Variants in FHIP1A observed in about 807,000 individuals in gnomAD.
The protein encoded by FHIP1A is FHF complex subunit HOOK interacting protein 1A, also known as FHF complex subunit HOOK-interacting protein 1A.
FHIP1A carries 61 observed loss-of-function variants against 88.6 expected under a neutral mutation model. That is an observed-to-expected ratio of 0.69 (90% CI 0.56 to 0.85). The LOEUF is 0.85. Among genes scored for constraint, FHIP1A ranks in the 40% least tolerant of loss-of-function variants. The pLI is 0.00. For synonymous variants in FHIP1A, 478 were observed against 496.0 expected (o/e 0.96, Z 0.48); for missense variants, 1,154 against 1,273.5 (o/e 0.91, Z 1.43).
chr4:151,536,592 G>A (rs572586560), intron 3 of FHIP1A, among the ~76,000 whole-genome samples: 1 of 152,274 alleles, frequency 6.6e-6, no homozygotes, highest in African/African-American at 2.4e-5. Context: ...TTTTCGCTCA[G>A]CATAATTCCC....
intron 1 of FHIP1A, among the ~76,000 whole-genome samples, chr4:151,415,184 T>G (rs548300657): frequency 1.8e-4 from 26 of 141,496 alleles, no homozygotes; most frequent in African/African-American, 2.9e-4. Flanking sequence ...GTTTTTTTGG[T>G]TTTTTTTTTT....
Position 151,649,502 on chromosome 4 carries a change from C to G in FHIP1A, c.1461C>G (p.Ala487=), listed in dbSNP as rs768399304. The G allele has an allele frequency of 1.3e-6, 2 of 1,551,588 alleles. No individual in the cohort carries two copies. The highest frequency in any genetic ancestry group is 1.7e-6 in the Non-Finnish European group (2 of 1,146,920). The change falls in exon 11 of 14, where the codon GCC becomes GCG. Residue 487 remains alanine, a synonymous_variant. Transcript: ENST00000435205. ...RPFPEAFSES[A]CIVEYGKALD... is the part of the protein sequence containing the mutation. ...TCCCCGAAGCGTTCTCCGAGTCAGC[C>G]TGCATTGTGGAGTATGGGAAAGCCC... is the stretch of plus-strand genomic sequence containing the variant.
chr4:151,489,054 T>G (rs1730186013), intron 3 of FHIP1A, among the ~76,000 whole-genome samples: 1 of 152,114 alleles, frequency 6.6e-6, no homozygotes, highest in East Asian at 1.9e-4. Context: ...CTGAAAGAAT[T>G]CACAGACCCT....
intron 3 of FHIP1A, among the ~76,000 whole-genome samples, chr4:151,501,158 TA>T (rs1196767525): frequency 6.6e-6 from 1 of 152,204 alleles, no homozygotes; most frequent in Non-Finnish European, 1.5e-5. Context: ...AAACTTGCCA[TA>T]TATGGAGGGG....
At chr4:151,471,285 C>CT (rs35143840) in intron 2 of FHIP1A, among the ~76,000 whole-genome samples, 5,546 of 136,234 alleles carry the variant, frequency 0.041, 351 homozygotes, top group African/African-American at 0.14. Context: ...GGAATTGTTC[C>CT]TTTTTTTTTT....
chr4:151,519,615 C>T (rs1469588757), intron 3 of FHIP1A, among the ~76,000 whole-genome samples: 1 of 151,848 alleles, frequency 6.6e-6, no homozygotes, highest in Non-Finnish European at 1.5e-5. Flanking sequence ...ATATACACAT[C>T]CACATTTATA....
intron 3 of FHIP1A, among the ~76,000 whole-genome samples, chr4:151,483,360 T>TA (rs1393505281): frequency 2.4e-4 from 36 of 152,102 alleles, no homozygotes; most frequent in Admixed American, 6.6e-4. Flanking sequence ...GAGTGCTTGC[T>TA]AAAAAAACAC....
chr4:151,621,795 C>CTT (rs199966761), intron 7 of FHIP1A, among the ~76,000 whole-genome samples: 86 of 142,858 alleles, frequency 6.0e-4, no homozygotes, highest in African/African-American at 2.0e-3. Context: ...GGAAGCATTT[C>CTT]TTTTTTTTTT....
chr4:151,552,085 A>G (rs1186226698), intron 3 of FHIP1A, among the ~76,000 whole-genome samples: 1 of 152,264 alleles, frequency 6.6e-6, no homozygotes, highest in Non-Finnish European at 1.5e-5. Flanking sequence ...AGTGCTCATC[A>G]TCACTGGTCA....
chr4:151,485,592 T>G (rs1157218939), intron 3 of FHIP1A, among the ~76,000 whole-genome samples: 1 of 131,604 alleles, frequency 7.6e-6, no homozygotes, highest in Non-Finnish European at 1.6e-5. Flanking sequence ...GAGCTCAGAG[T>G]TTTTTTTTTT....
chr4:151,637,766 G>GT (rs1253902090), intron 8 of FHIP1A, among the ~76,000 whole-genome samples: 3 of 152,174 alleles, frequency 2.0e-5, no homozygotes, highest in African/African-American at 4.8e-5. Flanking sequence ...TGGGAACAGA[G>GT]TATGTTGCTT....
chr4:151,571,474 A>G lies in FHIP1A; in HGVS notation c.105+5110A>G, dbSNP rs10012454. Among the ~76,000 whole-genome samples, 1,126 of 152,340 alleles carry G rather than the reference A, an allele frequency of 7.4e-3. 12 individuals are homozygous for G. The highest frequency in any genetic ancestry group is 0.026 in the African/African-American group (1,074 of 41,588). ...AAAACAGAACCATCTAGATTGGTTA[A>G]TTAAGTCAAATGTCTTCCCACAAAA... is the stretch of plus-strand genomic sequence containing the variant. On this transcript the variant is annotated intron_variant, in intron 4 of 13. Coordinates refer to ENST00000435205, the MANE Select transcript of FHIP1A (RefSeq NM_001109977.3).
chr4:151,596,333 A>T (rs1734646987), intron 7 of FHIP1A, among the ~76,000 whole-genome samples: 1 of 152,188 alleles, frequency 6.6e-6, no homozygotes, highest in Non-Finnish European at 1.5e-5. Flanking sequence ...TCTCTTAAGA[A>T]TGTTGAATGT....
intron 7 of FHIP1A, among the ~76,000 whole-genome samples, chr4:151,621,182 G>T (rs1182914177): frequency 6.6e-6 from 1 of 152,080 alleles, no homozygotes; most frequent in East Asian, 1.9e-4. Flanking sequence ...AGGGCTTGCT[G>T]TCCCCTCATT....
chr4:151,611,071 G>A (rs1407614473), intron 7 of FHIP1A, among the ~76,000 whole-genome samples: 1 of 152,090 alleles, frequency 6.6e-6, no homozygotes, highest in Non-Finnish European at 1.5e-5. Context: ...GTAGGAGCCT[G>A]TGTGTGTGTA....
chr4:151,584,007 G>A (rs958530537), intron 5 of FHIP1A, among the ~76,000 whole-genome samples: 1 of 152,084 alleles, frequency 6.6e-6, no homozygotes, highest in Non-Finnish European at 1.5e-5. Flanking sequence ...CCTGAAATAA[G>A]TGTTTGGTAT....
Position 151,649,471 on chromosome 4 carries a change from G to A in FHIP1A, c.1430G>A (p.Arg477Gln), listed in dbSNP as rs558082181. Residue 477 changes from arginine (R) to glutamine (Q), a missense_variant, in exon 11 of 14, where the codon CGG (arginine) becomes CAG (glutamine). Transcript: ENST00000435205. ...GCCTCCTGTGCAGGGCCTGTGGAGC[G>A]GCCATTCCCCGAAGCGTTCTCCGAG... ...CMHDTSGPVE[R>Q]PFPEAFSESA... is the part of the protein sequence containing the mutation. 4.5e-5 allele frequency: 70 copies of A among 1,548,518 alleles called. No homozygotes were observed. In the Admixed American group the frequency reaches 4.7e-4, roughly 10 times the overall value.
intron 3 of FHIP1A, among the ~76,000 whole-genome samples, chr4:151,528,308 A>G (rs1002196643): frequency 1.3e-5 from 2 of 152,188 alleles, no homozygotes; most frequent in African/African-American, 2.4e-5. Flanking sequence ...TTTAAAATCT[A>G]TGGTAAACAA....
At chr4:151,462,193 G>A (rs1287810542) in intron 2 of FHIP1A, among the ~76,000 whole-genome samples, 5 of 152,020 alleles carry the variant, frequency 3.3e-5, no homozygotes, top group Admixed American at 3.3e-4. Flanking sequence ...GTATTTTGAG[G>A]GTAAGGCTGA....
Sources: allele counts gnomAD v4.1 joint callset (sites outside exome capture counted in the v4.1 genomes callset), GRCh38; gene constraint gnomAD v4.1.1; transcripts MANE v1.5; gene names NCBI Gene and HGNC (gene_info 2026-07-23, HGNC 2026-07-21).